STK33: variants seen among roughly 807,000 people sequenced by gnomAD.
The protein encoded by STK33 is serine/threonine kinase 33.
A neutral mutation model predicts 58.0 loss-of-function variants in STK33; 52 were observed. That is an observed-to-expected ratio of 0.90 (90% CI 0.72 to 1.13). STK33 has a LOEUF of 1.13. STK33 is among the 50% of genes most tolerant of loss of function. STK33 has a pLI of 0.00. For missense variants in STK33, 630 were observed against 604.2 expected, an observed-to-expected ratio of 1.04 and a Z score of -0.45; for synonymous variants, 215 against 200.1, an observed-to-expected ratio of 1.07 and a Z score of -0.63.
chr11:8,584,124 AAAAG>A lies in STK33; in HGVS notation c.-466+9955_-466+9958del, dbSNP rs1233955178. Among the ~76,000 whole-genome samples, 4 of 151,482 alleles carry A rather than the reference AAAAG, an allele frequency of 2.6e-5. No individual in the cohort carries two copies. The East Asian group carries it at 5.8e-4, about 22-fold the overall frequency. The stretch of plus-strand genomic sequence containing the variant: ...GGAATTTAGATGAAAAAAAAAAAAA[AAAAG>A]AAAGAAAACAAAGCTAGTAAATGGT... On this transcript the variant is annotated intron_variant, in intron 1 of 15. Coordinates refer to ENST00000687296, the MANE Select transcript of STK33 (RefSeq NM_001352389.2).
chr11:8,392,520 T>C lies in STK33; in HGVS notation c.1535A>G (p.Lys512Arg). 1 of 1,614,176 alleles carries C rather than the reference T, an allele frequency of 6.2e-7. No homozygotes were observed. Among genetic ancestry groups the C allele is most frequent in the South Asian group, 1.1e-5 (1 of 91,076 alleles). The change falls in exon 16 of 16, where the codon AAG becomes AGG. Residue 512 changes from lysine to arginine, a missense_variant. Physicochemically the swap from Lys to Arg is conservative, Grantham distance 26. Coordinates refer to ENST00000687296, the MANE Select transcript of STK33 (RefSeq NM_001352389.2). ...ACACTGGAGGGAACCTTAGAGTTTC[T>C]TTTTGGTTCTGGACAGGGCGCCGGA... ...AKSGALSRTK[K>R]KL
intron 1 of STK33, among the ~76,000 whole-genome samples, chr11:8,506,397 C>T (rs1951864607): frequency 6.6e-6 from 1 of 152,172 alleles, no homozygotes; most frequent in Non-Finnish European, 1.5e-5. Flanking sequence ...TCAGCACAAA[C>T]TCAGTGGCTT....
the STK33 span, among the ~76,000 whole-genome samples, chr11:8,346,725 G>A: frequency 2.0e-5 from 3 of 151,838 alleles, no homozygotes; most frequent in South Asian, 4.2e-4. Context: ...TTCCCACCCC[G>A]ACCCCTACTC....
the STK33 span, among the ~76,000 whole-genome samples, chr11:8,354,601 C>T: frequency 2.0e-5 from 3 of 152,032 alleles, no homozygotes; most frequent in African/African-American, 7.2e-5. Context: ...CTTGAACATC[C>T]TCTCCCAGAA....
intron 1 of STK33, among the ~76,000 whole-genome samples, chr11:8,572,191 T>C (rs1290967522): frequency 6.6e-6 from 1 of 152,038 alleles, no homozygotes; most frequent in Non-Finnish European, 1.5e-5. Context: ...CAATTCCTAT[T>C]CCTGCCAGAC....
chr11:8,416,533 C>T (rs889194038), intron 14 of STK33, among the ~76,000 whole-genome samples: 1 of 152,250 alleles, frequency 6.6e-6, no homozygotes, highest in East Asian at 1.9e-4. Flanking sequence ...TTATTGAGAT[C>T]ATTTTTTCAC....
chr11:8,534,556 C>CTGTG (rs1954817928), intron 1 of STK33, among the ~76,000 whole-genome samples: 2 of 130,558 alleles, frequency 1.5e-5, no homozygotes, highest in African/African-American at 6.5e-5. Context: ...CTCTCTCTCT[C>CTGTG]TCTCTCTCTC....
chr11:8,579,453 A>AT (rs1455662142), intron 1 of STK33, among the ~76,000 whole-genome samples: 1 of 151,968 alleles, frequency 6.6e-6, no homozygotes, highest in Non-Finnish European at 1.5e-5. Context: ...ATACAATGCA[A>AT]TTTTTTTCAA....
At chr11:8,520,698 T>C (rs1230845763) in intron 1 of STK33, among the ~76,000 whole-genome samples, 1 of 151,282 alleles carries the variant, frequency 6.6e-6, no homozygotes, top group Admixed American at 6.6e-5. Context: ...TATATACCAA[T>C]AACAGACAAA....
rs574095044 is a variant in STK33 at position 8,469,652 on chromosome 11, A to G, written c.339+3511T>C. On this transcript the variant is annotated intron_variant, in intron 6 of 15. Coordinates refer to ENST00000687296, the MANE Select transcript of STK33 (RefSeq NM_001352389.2). ...TCAACTTAATCTGCCCAGATCCATC[A>G]GAGGAATCACTATCTGTGGCAGATA... Among the ~76,000 whole-genome samples the G allele has an allele frequency of 2.8e-4, 42 of 152,376 alleles. No individual in the cohort carries two copies. The South Asian group carries it at 8.3e-3, about 30-fold the overall frequency.
chr11:8,391,687 T>C (rs1426116016), downstream of STK33, among the ~76,000 whole-genome samples: 1 of 152,210 alleles, frequency 6.6e-6, no homozygotes, highest in African/African-American at 2.4e-5. Context: ...CAAAATTAGT[T>C]ACCCAGGTGG....
At chr11:8,579,679 G>T (rs546745415) in intron 1 of STK33, among the ~76,000 whole-genome samples, 122 of 152,098 alleles carry the variant, frequency 8.0e-4, no homozygotes, top group African/African-American at 2.8e-3. Context: ...TCATTTTACT[G>T]CTCATTTCGT....
At chr11:8,451,433 AC>A (rs1277679540) in intron 11 of STK33, among the ~76,000 whole-genome samples, 1 of 152,240 alleles carries the variant, frequency 6.6e-6, no homozygotes, top group African/African-American at 2.4e-5. Context: ...ACATGCTACA[AC>A]ATGAACGTAC....
intron 6 of STK33, chr11:8,466,805 A>G (rs1565095536): frequency 6.6e-6 from 1 of 152,238 alleles, no homozygotes; most frequent in Non-Finnish European, 1.5e-5. Context: ...GCAGCAAACT[A>G]CTGCCTGCGC....
At position 8,413,250 on chromosome 11, in the gene STK33, T is replaced by C. The variant is rs184304590; in HGVS notation, c.1344+245A>G. On this transcript the variant is annotated intron_variant, in intron 15 of 15. Coordinates refer to ENST00000687296, the MANE Select transcript of STK33 (RefSeq NM_001352389.2). ...GGCCCACAAAGCCTAAAATATTTAC[T>C]GTTTGTTCCCTTACAGAAAAAGTTT... is the stretch of plus-strand genomic sequence containing the variant. Among the ~76,000 whole-genome samples, 401 of 152,352 alleles carry C rather than the reference T, an allele frequency of 2.6e-3. 2 individuals are homozygous for C. Among genetic ancestry groups the C allele is most frequent in the African/African-American group, 9.2e-3 (381 of 41,578 alleles).
At chr11:8,427,387 T>C (rs986343666) in intron 14 of STK33, among the ~76,000 whole-genome samples, 5 of 152,132 alleles carry the variant, frequency 3.3e-5, no homozygotes, top group African/African-American at 1.2e-4. Flanking sequence ...CTCTGGGAGC[T>C]TTTAGAATTT....
At chr11:8,574,125 AG>A (rs1958018813) in intron 1 of STK33, among the ~76,000 whole-genome samples, 1 of 152,184 alleles carries the variant, frequency 6.6e-6, no homozygotes, top group African/African-American at 2.4e-5. Context: ...CTCACCCCAG[AG>A]GAAGTGGACA....
the STK33 span, among the ~76,000 whole-genome samples, chr11:8,341,198 C>T: frequency 6.6e-6 from 1 of 152,238 alleles, no homozygotes; most frequent in Non-Finnish European, 1.5e-5. Context: ...CAACATGCAG[C>T]CTAGGAGTTA....
At chr11:8,383,155 A>G in the STK33 span, among the ~76,000 whole-genome samples, 1 of 152,206 alleles carries the variant, frequency 6.6e-6, no homozygotes, top group Non-Finnish European at 1.5e-5. Context: ...AATTTTGGAA[A>G]AAGACCCAGA....
Sources: gnomAD v4.1 joint callset for allele counts (sites outside exome capture counted in the v4.1 genomes callset) on GRCh38, gnomAD v4.1.1 for gene constraint, MANE v1.5 for transcripts, NCBI Gene and HGNC (gene_info 2026-07-23, HGNC 2026-07-21) for gene names.